The following CDC42 variants were observed in gnomAD, a reference collection of about 807,000 sequenced individuals.
CDC42 encodes the protein cell division control protein 42 homolog.
In CDC42, 1 loss-of-function variant was observed where a neutral mutation model predicts 20.8. The observed-to-expected ratio is 0.05, with a 90% confidence interval of 0.02 to 0.23. CDC42 has a LOEUF of 0.23. Among genes scored for constraint, CDC42 ranks in the 10% least tolerant of loss-of-function variants. The probability of loss-of-function intolerance (pLI) is 1.00; values close to 1 mark genes in which losing one functional copy is unlikely to be tolerated. For missense variants in CDC42, 49 were observed against 227.9 expected (o/e 0.21, Z 5.05); for synonymous variants, 72 against 84.8 (o/e 0.85, Z 0.83).
At chr1:22,061,206 A>C (rs911863174) in intron 1 of CDC42, among the ~76,000 whole-genome samples, 3 of 152,130 alleles carry the variant, frequency 2.0e-5, no homozygotes, top group African/African-American at 7.2e-5. Context: ...CAGGAGTTCG[A>C]GACCAGCCTG....
chr1:22,080,648 C>T (rs946537448), intron 2 of CDC42, among the ~76,000 whole-genome samples: 26 of 152,164 alleles, frequency 1.7e-4, no homozygotes, highest in Non-Finnish European at 3.8e-4. Flanking sequence ...GAAAGCATTG[C>T]TTTTCAATTG....
intron 5 of CDC42, chr1:22,090,099 A>C: frequency 6.4e-7 from 1 of 1,572,594 alleles, no homozygotes; most frequent in Non-Finnish European, 8.7e-7. Flanking sequence ...TCGTTTAAAA[A>C]CAAAGGAATA....
chr1:22,063,995 C>G (rs576729339), intron 1 of CDC42: 1 of 151,970 alleles, frequency 6.6e-6, no homozygotes, highest in Non-Finnish European at 1.5e-5. Flanking sequence ...GCTGGGATTA[C>G]AGGCGTGAGC....
intron 1 of CDC42, among the ~76,000 whole-genome samples, chr1:22,058,729 C>T (rs1187393975): frequency 6.6e-6 from 1 of 152,094 alleles, no homozygotes; most frequent in Non-Finnish European, 1.5e-5. Flanking sequence ...AAACTCCCGA[C>T]CTCAGGTGAT....
chr1:22,060,212 C>T (rs916882071), intron 1 of CDC42, among the ~76,000 whole-genome samples: 4 of 152,074 alleles, frequency 2.6e-5, no homozygotes, highest in African/African-American at 9.7e-5. Context: ...GTGGCATGCA[C>T]CTGTAATCCC....
chr1:22,065,644 G>A (rs1312008553), intron 1 of CDC42, among the ~76,000 whole-genome samples: 2 of 152,142 alleles, frequency 1.3e-5, no homozygotes, highest in Non-Finnish European at 2.9e-5. Flanking sequence ...TTGTGAATTA[G>A]ATGTCAATTT....
intron 5 of CDC42, among the ~76,000 whole-genome samples, chr1:22,091,216 A>G (rs1267582250): frequency 6.6e-6 from 1 of 152,214 alleles, no homozygotes; most frequent in Non-Finnish European, 1.5e-5. Flanking sequence ...TGTCTCACTC[A>G]TGAATATCTG....
In CDC42 at chr1:22,099,331, C is replaced by G. The variant is rs1645775749; in HGVS notation, c.*7814C>G. 6.6e-6 allele frequency among the ~76,000 whole-genome samples: 1 copy of G among 152,236 alleles called. No homozygotes were observed. Among genetic ancestry groups the G allele is most frequent in the Admixed American group, 6.5e-5 (1 of 15,292 alleles). Reference sequence around the variant, plus strand: ...TGAGCTCTTACTGTGTGCCTTTGCACTGTGTTAAGCACATGGTGTTATCAC... The same window carrying G: ...TGAGCTCTTACTGTGTGCCTTTGCAGTGTGTTAAGCACATGGTGTTATCAC... On this transcript the variant is annotated 3_prime_UTR_variant, in exon 6 of 6. Coordinates refer to ENST00000656825, the MANE Select transcript of CDC42 (RefSeq NM_001791.4).
At chr1:22,086,017 T>A (rs1422143039) in intron 3 of CDC42, among the ~76,000 whole-genome samples, 1 of 152,214 alleles carries the variant, frequency 6.6e-6, no homozygotes. Flanking sequence ...GGCTAATTTT[T>A]ATATTTTTAG....
rs569523877 is a variant in CDC42 at position 22,097,344 on chromosome 1, C to T, written c.*5827C>T. On this transcript the variant is annotated 3_prime_UTR_variant, in exon 6 of 6. Transcript: ENST00000656825. ...TGATCTCGGCTTGCTGCAATCTCTG[C>T]AATTCTCATGCCTCAGCCTCCCAAG... 3.5e-4 allele frequency among the ~76,000 whole-genome samples: 54 copies of T among 152,306 alleles called. No individual in the cohort carries two copies. Among genetic ancestry groups the T allele is most frequent in the African/African-American group, 1.3e-3 (53 of 41,568 alleles).
chr1:22,079,107 G>T (rs1458719355), intron 2 of CDC42, among the ~76,000 whole-genome samples: 1 of 150,550 alleles, frequency 6.6e-6, no homozygotes, highest in African/African-American at 2.4e-5. Flanking sequence ...GTCCTTTGGG[G>T]GTCACTCCCA....
At chr1:22,055,199 CG>C (rs1451927258) in intron 1 of CDC42, among the ~76,000 whole-genome samples, 3 of 151,292 alleles carry the variant, frequency 2.0e-5, no homozygotes, top group South Asian at 4.2e-4. Flanking sequence ...GTGATCCGCC[CG>C]CCTCGTCCCC....
chr1:22,076,332 C>T lies in CDC42; in HGVS notation c.-50-2097C>T, dbSNP rs912619381. ...CATTATCCAGGCGTGGTGGCATGCA[C>T]CTGTAATCCCAGTTGCTCTGGAGGC... On this transcript the variant is annotated intron_variant, in intron 1 of 5. Coordinates refer to ENST00000656825, the MANE Select transcript of CDC42 (RefSeq NM_001791.4). Among the ~76,000 whole-genome samples, 6 of 152,218 alleles carry T rather than the reference C, an allele frequency of 3.9e-5. No individual in the cohort carries two copies. In the East Asian group the frequency reaches 1.2e-3, roughly 29 times the overall value.
In CDC42 at chr1:22,091,680, G is replaced by GC. The variant is rs16831112; in HGVS notation, c.*171dup. 2.8e-3 allele frequency: 1,133 copies of GC among 401,106 alleles called. 15 individuals carry two copies. Among genetic ancestry groups the GC allele is most frequent in the African/African-American group, 0.019 (916 of 47,938 alleles). 24.8% of individuals were successfully genotyped at this position (401,106 alleles called of 1,614,324 possible). A position where few individuals can be genotyped will look rare whatever the true frequency, so the allele number is the denominator to read the frequency against. The stretch of plus-strand genomic sequence containing the variant: ...GTGTGAGACAAGGCCCATAGGTATG[G>GC]CCCCCCCCTTCCCCCTCCCAGTACT... On this transcript the variant is annotated 3_prime_UTR_variant, in exon 6 of 6. Transcript: ENST00000656825.
intron 1 of CDC42, among the ~76,000 whole-genome samples, chr1:22,055,202 C>T (rs907178911): frequency 2.0e-4 from 31 of 151,456 alleles, no homozygotes; most frequent in Non-Finnish European, 2.9e-4. Flanking sequence ...ATCCGCCCGC[C>T]TCGTCCCCGC....
rs1553197240 is a variant in CDC42, at chr1:22,100,029, CT to C, written c.*8527del. Among the ~76,000 whole-genome samples the C allele has an allele frequency of 0.018, 301 of 16,696 alleles. 6 individuals are homozygous for C. In the East Asian group the frequency reaches 0.21, roughly 12 times the overall value. 11.0% of individuals were successfully genotyped at this position (16,696 alleles called of 152,430 possible). A position where few individuals can be genotyped will look rare whatever the true frequency, so the allele number is the denominator to read the frequency against. On this transcript the variant is annotated 3_prime_UTR_variant, in exon 6 of 6. Transcript: ENST00000656825. ...TTTTTTCTTTCTTCTTCTTCTTCTT[CT>C]TTTTTTTTTTTTTTGTATAATAGGC...
At chr1:22,057,525 C>G (rs1022439821) in intron 1 of CDC42, among the ~76,000 whole-genome samples, 6 of 151,922 alleles carry the variant, frequency 3.9e-5, no homozygotes, top group African/African-American at 1.5e-4. Flanking sequence ...GCTGGGATTG[C>G]AGGCATGCGT....
intron 5 of CDC42, among the ~76,000 whole-genome samples, chr1:22,087,421 T>G (rs1645671985): frequency 6.6e-6 from 1 of 152,186 alleles, no homozygotes; most frequent in Admixed American, 6.5e-5. Flanking sequence ...CCTCATGCAT[T>G]CCGGCCGTTT....
At position 22,099,285 on chromosome 1, in the gene CDC42, C is replaced by T. The variant is rs1037987803; in HGVS notation, c.*7768C>T. On this transcript the variant is annotated 3_prime_UTR_variant, in exon 6 of 6. Coordinates refer to ENST00000656825, the MANE Select transcript of CDC42 (RefSeq NM_001791.4). The stretch of plus-strand genomic sequence containing the variant: ...TAAAAGAAATGGGGACATATTCTGG[C>T]GAAATAACAGCTTTGTTAATTGAGC... 9.9e-5 allele frequency among the ~76,000 whole-genome samples: 15 copies of T among 152,212 alleles called. 1 individual carries two copies. The highest frequency in any genetic ancestry group is 1.5e-4 in the Non-Finnish European group (10 of 68,032).
Sources: gnomAD v4.1 joint callset for allele counts (sites outside exome capture counted in the v4.1 genomes callset) on GRCh38, gnomAD v4.1.1 for gene constraint, MANE v1.5 for transcripts, NCBI Gene and HGNC (gene_info 2026-07-23, HGNC 2026-07-21) for gene names.